PRDM8: variants seen among roughly 807,000 people sequenced by gnomAD.
PRDM8 encodes PR domain zinc finger protein 8.
Under a neutral mutation model 46.5 loss-of-function variants are expected in PRDM8, and 13 were observed. That is an observed-to-expected ratio of 0.28 (90% CI 0.18 to 0.44). The LOEUF (loss-of-function observed/expected upper bound fraction) is 0.44. Ranked by LOEUF, PRDM8 falls within the 20% of genes least tolerant of loss-of-function variation. PRDM8 has a pLI of 1.00. For missense variants in PRDM8, 998 were observed against 955.0 expected, an observed-to-expected ratio of 1.04 and a Z score of -0.59; for synonymous variants, 473 against 438.4, an observed-to-expected ratio of 1.08 and a Z score of -0.98.
rs1738793161 is a variant in PRDM8, at chr4:80,203,958, A to G, written c.*426A>G. 6.5e-6 allele frequency: 1 copy of G among 153,718 alleles called. No individual in the cohort carries two copies. The highest frequency in any genetic ancestry group is 6.5e-5 in the Admixed American group (1 of 15,398). 9.5% of individuals were successfully genotyped at this position (153,718 alleles called of 1,614,324 possible). ...ATTAAGCACTTACGATTTAGATGTA[A>G]TAATTATATGTAAGGGCAAAATTTA... On this transcript the variant is annotated 3_prime_UTR_variant, in exon 4 of 4. Coordinates refer to ENST00000415738, the MANE Select transcript of PRDM8 (RefSeq NM_001099403.2).
chr4:80,196,755 A>C (rs944349718), upstream of PRDM8, among the ~76,000 whole-genome samples: 41 of 151,226 alleles, frequency 2.7e-4, no homozygotes, highest in African/African-American at 7.6e-4. Flanking sequence ...CAAAAAAAAA[A>C]CAGGAACTGT....
Position 80,203,138 on chromosome 4 carries a change from G to T in PRDM8, c.1676G>T (p.Cys559Phe). 6.4e-7 allele frequency: 1 copy of T among 1,556,546 alleles called. No individual in the cohort carries two copies. Among genetic ancestry groups the T allele is most frequent in the Non-Finnish European group, 8.6e-7 (1 of 1,159,010 alleles). The change falls in exon 4 of 4, where the codon TGC becomes TTC. Residue 559 changes from cysteine to phenylalanine, a missense_variant. Cys to Phe is a radical substitution (Grantham distance 205). Coordinates refer to ENST00000415738, the MANE Select transcript of PRDM8 (RefSeq NM_001099403.2). ...LQGAADLNGG[C>F]GSLPSGGGGL... The stretch of plus-strand genomic sequence containing the variant: ...GGGGCCGCGGACCTGAACGGAGGTT[G>T]CGGGTCCCTGCCGAGCGGCGGCGGC...
At chr4:80,187,735 T>G (rs1737230348) in intron 1 of PRDM8, among the ~76,000 whole-genome samples, 2 of 152,174 alleles carry the variant, frequency 1.3e-5, no homozygotes, top group South Asian at 4.1e-4. Context: ...AACCTCCTGC[T>G]CCTCCTGTCC....
At chr4:80,193,408 A>AAAAC (rs1282827602), upstream of PRDM8, among the ~76,000 whole-genome samples, 6 of 152,158 alleles carry the variant, frequency 3.9e-5, no homozygotes, top group African/African-American at 1.2e-4. Context: ...ACCAAAATGT[A>AAAAC]AAACAAACAA....
intron 2 of PRDM8, among the ~76,000 whole-genome samples, chr4:80,200,961 T>C (rs1270061584): frequency 6.6e-6 from 1 of 152,262 alleles, no homozygotes; most frequent in Non-Finnish European, 1.5e-5. Flanking sequence ...CTTTGTAATG[T>C]GGAATAACTT....
upstream of PRDM8, chr4:80,196,114 A>G (rs1560470177): frequency 7.2e-6 from 7 of 978,092 alleles, no homozygotes; most frequent in Non-Finnish European, 8.5e-6. Flanking sequence ...GGAGAGGATC[A>G]AACTAACATG....
At chr4:80,186,884 G>T (rs1737138011) in intron 1 of PRDM8, among the ~76,000 whole-genome samples, 1 of 152,140 alleles carries the variant, frequency 6.6e-6, no homozygotes. Context: ...GCCTAACAGT[G>T]GTGCCCTTTC....
rs755239026 is a variant in PRDM8 at position 80,202,351 on chromosome 4, G to A, written c.889G>A (p.Glu297Lys). The change falls in exon 4 of 4, where the codon GAG (glutamate) becomes AAG (lysine). Residue 297 changes from glutamate to lysine, a missense_variant. Physicochemically the swap from Glu to Lys is moderately conservative, Grantham distance 56 (BLOSUM62 1). Coordinates refer to ENST00000415738, the MANE Select transcript of PRDM8 (RefSeq NM_001099403.2). Reference protein sequence around the residue: ...SGSGGGGGHQEAELSPDGIAT... With the variant: ...SGSGGGGGHQKAELSPDGIAT... ...CAGCGGCGGCGGCGGCGGCCACCAG[G>A]AGGCGGAGCTGAGTCCCGACGGCAT... 2 of 1,600,408 alleles carry A rather than the reference G, an allele frequency of 1.2e-6. No individual in the cohort carries two copies. Among genetic ancestry groups the A allele is most frequent in the Admixed American group, 1.7e-5 (1 of 58,336 alleles).
At chr4:80,201,859 C>CGTGTGTGT in intron 3 of PRDM8, 55 bp from the exon 4 acceptor site, 1 of 1,405,216 alleles carries the variant, frequency 7.1e-7, no homozygotes. Flanking sequence ...ATGTGGTGTG[C>CGTGTGTGT]GTGTGTGTGT....
intron 1 of PRDM8, among the ~76,000 whole-genome samples, chr4:80,199,087 AT>A (rs2109874246): frequency 7.2e-6 from 1 of 138,862 alleles, no homozygotes; most frequent in South Asian, 2.3e-4. Flanking sequence ...AATAAAGGGC[AT>A]TGGGGCATTA....
chr4:80,202,014 C>T lies in PRDM8; in HGVS notation c.552C>T (p.Ser184=), dbSNP rs767040118. 3 of 1,614,122 alleles carry T rather than the reference C, an allele frequency of 1.9e-6. No individual in the cohort carries two copies. Among genetic ancestry groups the T allele is most frequent in the Non-Finnish European group, 2.5e-6 (3 of 1,180,010 alleles). The change falls in exon 4 of 4, where the codon AGC becomes AGT. Residue 184 remains serine, a synonymous_variant. Transcript: ENST00000415738. The part of the protein sequence containing the change: ...LRFRCPKRLH[S]ADISPQDEQG... ...TCCGCTGCCCCAAGAGACTTCACAG[C>T]GCTGATATAAGTCCCCAAGACGAAC...
At position 80,202,396 on chromosome 4, in the gene PRDM8, G is replaced by A. The variant is rs1738564626; in HGVS notation, c.934G>A (p.Gly312Arg). Residue 312 changes from glycine to arginine, a missense_variant, in exon 4 of 4, where the codon GGA (glycine) becomes AGA (arginine). Transcript: ENST00000415738. ...PDGIATGGGK[G>R]KRKFPEEAAE... ...CGGCATCGCCACGGGCGGCGGCAAA[G>A]GAAAGAGGAAATTCCCGGAGGAGGC... is the stretch of plus-strand genomic sequence containing the variant. 6.4e-7 allele frequency: 1 copy of A among 1,572,786 alleles called. No individual in the cohort carries two copies. The highest frequency in any genetic ancestry group is 8.6e-7 in the Non-Finnish European group (1 of 1,159,738).
At chr4:80,197,001 G>C, upstream of PRDM8, 2 of 985,430 alleles carry the variant, frequency 2.0e-6, no homozygotes, top group Non-Finnish European at 2.4e-6. Context: ...GAAGAGAGAC[G>C]ACGCCCGTTT....
chr4:80,194,220 C>G, upstream of PRDM8: 1 of 982,306 alleles, frequency 1.0e-6, no homozygotes, highest in African/African-American at 1.7e-5. Flanking sequence ...CTCCAAAGAG[C>G]CTTGCTAAAG....
At chr4:80,201,048 A>G (rs1008548670) in intron 2 of PRDM8, among the ~76,000 whole-genome samples, 8 of 152,234 alleles carry the variant, frequency 5.3e-5, no homozygotes, top group Admixed American at 5.2e-4. Flanking sequence ...AATATATAAA[A>G]ACGGTGACTT....
chr4:80,197,909 T>C (rs1738087928), intron 1 of PRDM8, 146 bp downstream of exon 1: 2 of 803,002 alleles, frequency 2.5e-6, no homozygotes, highest in Non-Finnish European at 3.0e-6. Context: ...AGTAATATTG[T>C]ACAAAAGGAG....
chr4:80,200,993 T>TA (rs1464041287), intron 2 of PRDM8, among the ~76,000 whole-genome samples: 1 of 152,244 alleles, frequency 6.6e-6, no homozygotes, highest in Non-Finnish European at 1.5e-5. Context: ...CTCAAGGGGT[T>TA]AACACTAAAT....
upstream of PRDM8, among the ~76,000 whole-genome samples, chr4:80,194,725 G>A (rs1737813845): frequency 6.6e-6 from 1 of 152,064 alleles, no homozygotes; most frequent in Non-Finnish European, 1.5e-5. Flanking sequence ...TTATATTTAA[G>A]GATCTCTACC....
intron 2 of PRDM8, among the ~76,000 whole-genome samples, chr4:80,191,763 A>G (rs988179385): frequency 6.6e-6 from 1 of 152,204 alleles, no homozygotes; most frequent in African/African-American, 2.4e-5. Flanking sequence ...GACATCCCCC[A>G]TTGATGCTAA....
Sources: allele counts gnomAD v4.1 joint callset (sites outside exome capture counted in the v4.1 genomes callset), GRCh38; gene constraint gnomAD v4.1.1; transcripts MANE v1.5; gene names NCBI Gene and HGNC (gene_info 2026-07-23, HGNC 2026-07-21).